Variants in PHACTR2 observed in about 807,000 individuals in gnomAD.
The protein encoded by PHACTR2 is phosphatase and actin regulator 2, also known as chromosome 6 open reading frame 56.
Under a neutral mutation model 76.0 loss-of-function variants are expected in PHACTR2, and 30 were observed. The observed-to-expected ratio is 0.39, with a 90% confidence interval of 0.30 to 0.54. PHACTR2 has a LOEUF of 0.54. Ranked by LOEUF, PHACTR2 falls within the 20% of genes least tolerant of loss-of-function variation. The pLI, the probability that PHACTR2 is intolerant of heterozygous loss-of-function variation, is 0.61. For synonymous variants in PHACTR2, 292 were observed against 292.5 expected, an observed-to-expected ratio of 1.00 and a Z score of 0.02; for missense variants, 696 against 781.1, an observed-to-expected ratio of 0.89 and a Z score of 1.30.
chr6:143,677,155 A>G (rs1777264964), upstream of PHACTR2, among the ~76,000 whole-genome samples: 1 of 152,316 alleles, frequency 6.6e-6, no homozygotes. Flanking sequence ...GAACACATCC[A>G]GTAACCACCA....
rs767606405 is a variant in PHACTR2, at chr6:143,809,917, G to A, written c.1922+2784G>A. On this transcript the variant is annotated intron_variant, in intron 12 of 12. Transcript: ENST00000440869. This position sits in a 1 kb window ranked among gnomAD's most constrained non-coding sequence, Gnocchi z 4.2. ...TTTTGAGCTCAGGAGTTCGAGACCAGCCTGGACAACATAGCAAACCCTGTC... is the reference window on the plus strand; with the variant it reads ...TTTTGAGCTCAGGAGTTCGAGACCAACCTGGACAACATAGCAAACCCTGTC... 6.6e-6 allele frequency among the ~76,000 whole-genome samples: 1 copy of A among 151,994 alleles called. No homozygotes were observed. The highest frequency in any genetic ancestry group is 6.6e-5 in the Admixed American group (1 of 15,254).
chr6:143,681,830 A>G (rs976745437), intron 1 of PHACTR2, among the ~76,000 whole-genome samples: 1 of 152,252 alleles, frequency 6.6e-6, no homozygotes, highest in African/African-American at 2.4e-5. Flanking sequence ...ATTTGTTGAA[A>G]TGACCGTTCT....
intron 1 of PHACTR2, among the ~76,000 whole-genome samples, chr6:143,705,929 T>C (rs1026702853): frequency 1.3e-5 from 2 of 152,270 alleles, no homozygotes; most frequent in African/African-American, 4.8e-5. Flanking sequence ...GAGAGGGTTA[T>C]GTATATAAAT....
intron 1 of PHACTR2, among the ~76,000 whole-genome samples, chr6:143,638,550 A>T (rs1383472071): frequency 7.2e-6 from 1 of 138,140 alleles, no homozygotes; most frequent in Non-Finnish European, 1.6e-5. Flanking sequence ...TCTCAAAAAA[A>T]AAAAAAAGTA....
At chr6:143,735,812 G>A (rs1778804645) in intron 2 of PHACTR2, among the ~76,000 whole-genome samples, 1 of 152,098 alleles carries the variant, frequency 6.6e-6, no homozygotes, top group Non-Finnish European at 1.5e-5. Context: ...GCTTGAAAAT[G>A]TTCCCTTTGG....
chr6:143,763,743 A>G (rs1032491167), intron 5 of PHACTR2, among the ~76,000 whole-genome samples: 4 of 152,228 alleles, frequency 2.6e-5, no homozygotes, highest in Admixed American at 6.5e-5. Flanking sequence ...CTCATTGTCT[A>G]TTCTTTCATT....
In PHACTR2 at chr6:143,823,862, A is replaced by G; in HGVS notation, c.*173A>G. The G allele has an allele frequency of 1.8e-6, 1 of 558,984 alleles. No homozygotes were observed. Among genetic ancestry groups the G allele is most frequent in the African/African-American group, 1.8e-5 (1 of 54,388 alleles). The allele number at this position is 558,984 out of a possible 1,614,324, so 34.6% of individuals were successfully genotyped here. A position where few individuals can be genotyped will look rare whatever the true frequency, so the allele number is the denominator to read the frequency against. On this transcript the variant is annotated 3_prime_UTR_variant, in exon 13 of 13. Coordinates refer to ENST00000440869, the MANE Select transcript of PHACTR2 (RefSeq NM_001100164.2). This position sits in a 1 kb window ranked among gnomAD's most constrained non-coding sequence, Gnocchi z 5.7. ...AGTGCTCCTCACCTGTGTGGCCCAG[A>G]TGGCTCCAACAAGCAAAAGGAAGGA...
rs10541081 is a variant in PHACTR2 at position 143,546,859 on chromosome 6, CAA to C, written c.217+9665_217+9666del. 0.097 allele frequency among the ~76,000 whole-genome samples: 13,634 copies of C among 140,072 alleles called. 842 individuals are homozygous for C. The highest frequency in any genetic ancestry group is 0.19 in the East Asian group (915 of 4,724). The allele number at this position is 140,072 out of a possible 152,430, so 91.9% of individuals were successfully genotyped here. On this transcript the variant is annotated intron_variant, in intron 1 of 11. Transcript: ENST00000367584. The surrounding 1 kb of genome is among the most constrained non-coding windows in gnomAD (Gnocchi z 4.9). ...TGGGCAACATAGTGAGACCCCATCT[CAA>C]AAAAAAAAAAAATAAAAAATAAAAA...
At chr6:143,779,451 T>C (rs1223875147) in intron 9 of PHACTR2, among the ~76,000 whole-genome samples, 1 of 151,462 alleles carries the variant, frequency 6.6e-6, no homozygotes, top group Non-Finnish European at 1.5e-5. Context: ...TGGGTTCAAG[T>C]GATTTTCCTG....
intron 6 of PHACTR2, among the ~76,000 whole-genome samples, chr6:143,769,839 C>G (rs1169068818): frequency 6.6e-6 from 1 of 152,088 alleles, no homozygotes; most frequent in Non-Finnish European, 1.5e-5. Flanking sequence ...ACAAGAATGG[C>G]TTCCAGTGGC....
chr6:143,785,369 A>G (rs1775529944), intron 10 of PHACTR2, among the ~76,000 whole-genome samples: 1 of 152,356 alleles, frequency 6.6e-6, no homozygotes, highest in South Asian at 2.1e-4. Context: ...CACTGATGCA[A>G]GAGGTGGGTT....
upstream of PHACTR2, among the ~76,000 whole-genome samples, chr6:143,677,054 A>C (rs1427481414): frequency 6.6e-6 from 1 of 151,920 alleles, no homozygotes; most frequent in Non-Finnish European, 1.5e-5. Flanking sequence ...AATATATTGC[A>C]CTTTCTGATA....
rs1192233377 is a variant in PHACTR2 at position 143,688,349 on chromosome 6, G to A, written c.46+10140G>A. ...GATGCCTGATCTGGGGTGAGGGGTG[G>A]GTAGAGAAATGGGAGTAGGGTCTCA... is the stretch of plus-strand genomic sequence containing the variant. On this transcript the variant is annotated intron_variant, in intron 1 of 12. Transcript: ENST00000440869. This position sits in a 1 kb window ranked among gnomAD's most constrained non-coding sequence, Gnocchi z 5.2. 6.6e-6 allele frequency among the ~76,000 whole-genome samples: 1 copy of A among 152,018 alleles called. No individual in the cohort carries two copies. The highest frequency in any genetic ancestry group is 1.5e-5 in the Non-Finnish European group (1 of 67,994).
rs552807785 is a variant in PHACTR2, at chr6:143,767,927, T to C, written c.1232+2129T>C. Among the ~76,000 whole-genome samples, 3 of 152,210 alleles carry C rather than the reference T, an allele frequency of 2.0e-5. No homozygotes were observed. In the South Asian group the frequency reaches 6.2e-4, roughly 32 times the overall value. On this transcript the variant is annotated intron_variant, in intron 6 of 12. Transcript: ENST00000440869. This position sits in a 1 kb window ranked among gnomAD's most constrained non-coding sequence, Gnocchi z 4.4. ...ATCTCGGCTCACCTCAACCTCTGCC[T>C]CCCAGGTTCAAGCAATTCTCCTGCC...
At position 143,705,293 on chromosome 6, in the gene PHACTR2, A is replaced by ATTTT. The variant is rs142316800; in HGVS notation, c.47-6707_47-6704dup. Among the ~76,000 whole-genome samples, 467 of 107,910 alleles carry ATTTT rather than the reference A, an allele frequency of 4.3e-3. 17 individuals are homozygous for ATTTT. The highest frequency in any genetic ancestry group is 0.016 in the African/African-American group (438 of 26,842). 70.8% of individuals were successfully genotyped at this position (107,910 alleles called of 152,430 possible). On this transcript the variant is annotated intron_variant, in intron 1 of 12. Coordinates refer to ENST00000440869, the MANE Select transcript of PHACTR2 (RefSeq NM_001100164.2). ...GCTACAAAGTCTGGCTAATTTTTGC[A>ATTTT]TTTTTTTTTTTTTTTTTTTGAGACG...
At chr6:143,560,586 G>A (rs1056306332) in intron 1 of PHACTR2, among the ~76,000 whole-genome samples, 4 of 152,188 alleles carry the variant, frequency 2.6e-5, no homozygotes, top group Admixed American at 2.0e-4. Context: ...GCTTATTTTG[G>A]TGTAAACAGA....
At chr6:143,713,963 A>G (rs1467665343) in intron 2 of PHACTR2, among the ~76,000 whole-genome samples, 2 of 152,214 alleles carry the variant, frequency 1.3e-5, no homozygotes, top group Admixed American at 6.5e-5. Context: ...TTTTTTTCAC[A>G]TTGGAGAAAG....
chr6:143,814,595 C>CTTTTTTTTTTTT (rs61652528), intron 12 of PHACTR2, among the ~76,000 whole-genome samples: 2 of 108,416 alleles, frequency 1.8e-5, no homozygotes, highest in African/African-American at 7.4e-5. Flanking sequence ...GACATACACA[C>CTTTTTTTTTTTT]TTTTTTTTTT....
At chr6:143,615,776 CTCT>C (rs528742277) in intron 1 of PHACTR2, among the ~76,000 whole-genome samples, 49 of 152,122 alleles carry the variant, frequency 3.2e-4, no homozygotes, top group African/African-American at 2.7e-4. Flanking sequence ...TACTTTTTCT[CTCT>C]TCTTCTTCCA....
Sources: gnomAD v4.1 joint callset for allele counts (sites outside exome capture counted in the v4.1 genomes callset) on GRCh38, gnomAD v4.1.1 for gene constraint, Gnocchi (gnomAD v3.1) non-coding constraint, MANE v1.5 for transcripts, NCBI Gene and HGNC (gene_info 2026-07-23, HGNC 2026-07-21) for gene names.